The following GRID2 variants were observed in gnomAD, a reference collection of about 807,000 sequenced individuals.
The protein encoded by GRID2 is glutamate ionotropic receptor delta type subunit 2, also known as glutamate receptor ionotropic, delta-2.
GRID2 carries 33 observed loss-of-function variants against 114.8 expected under a neutral mutation model. That is an observed-to-expected ratio of 0.29 (90% CI 0.22 to 0.38). The LOEUF (loss-of-function observed/expected upper bound fraction) is 0.38, where lower values mean the gene tolerates loss of function less well. GRID2 is among the 10% of genes least tolerant of loss of function. The probability of loss-of-function intolerance (pLI) is 1.00; values close to 1 mark genes in which losing one functional copy is unlikely to be tolerated. For missense variants in GRID2, 1,184 were observed against 1,257.7 expected (o/e 0.94, Z 0.89); for synonymous variants, 505 against 449.9 (o/e 1.12, Z -1.55).
chr4:93,285,102 TA>T (rs1333222720), intron 8 of GRID2, among the ~76,000 whole-genome samples: 2 of 152,080 alleles, frequency 1.3e-5, no homozygotes, highest in East Asian at 1.9e-4. Context: ...GTGTTATAAT[TA>T]AAAGCAACCT....
At chr4:93,068,688 A>G (rs1196504265) in intron 2 of GRID2, among the ~76,000 whole-genome samples, 2 of 124,596 alleles carry the variant, frequency 1.6e-5, no homozygotes, top group East Asian at 4.4e-4. Flanking sequence ...AGCCTTTCCT[A>G]TTTACAAAAA....
At chr4:93,246,438 T>A (rs1748214963) in intron 8 of GRID2, among the ~76,000 whole-genome samples, 1 of 151,666 alleles carries the variant, frequency 6.6e-6, no homozygotes, top group Non-Finnish European at 1.5e-5. Context: ...ATACAAAAAA[T>A]TAGCTGGGTG....
chr4:92,554,197 G>T (rs1008891173), intron 1 of GRID2, among the ~76,000 whole-genome samples: 2 of 152,078 alleles, frequency 1.3e-5, no homozygotes, highest in African/African-American at 2.4e-5. Context: ...AAGATGTCAT[G>T]GTGTTAACAT....
intron 13 of GRID2, among the ~76,000 whole-genome samples, chr4:93,535,260 AC>A (rs1273234246): frequency 1.3e-5 from 2 of 151,356 alleles, no homozygotes; most frequent in East Asian, 3.9e-4. Flanking sequence ...ACACACACAC[AC>A]ACACACACAC....
chr4:93,808,485 T>A (rs1735074063), exon 2 of GRID2: 1 of 152,198 alleles, frequency 6.6e-6, no homozygotes, highest in African/African-American at 2.4e-5. Flanking sequence ...AATACTATAA[T>A]TCACCTGAAG....
chr4:92,578,086 CTT>C (rs1727987653), intron 1 of GRID2, among the ~76,000 whole-genome samples: 1 of 55,286 alleles, frequency 1.8e-5, no homozygotes, highest in African/African-American at 8.8e-5. Context: ...TCTTCTTCTT[CTT>C]CTTCTTCTTC....
At chr4:92,813,380 A>G (rs1295070294) in intron 2 of GRID2, among the ~76,000 whole-genome samples, 1 of 152,146 alleles carries the variant, frequency 6.6e-6, no homozygotes, top group Non-Finnish European at 1.5e-5. Context: ...AGCAAGCTAT[A>G]CAGGCGCTTA....
intron 2 of GRID2, among the ~76,000 whole-genome samples, chr4:92,971,357 G>A (rs1469403563): frequency 6.6e-6 from 1 of 151,934 alleles, no homozygotes; most frequent in East Asian, 1.9e-4. Context: ...ATCCTAGATA[G>A]TTACACAGAA....
intron 3 of GRID2, among the ~76,000 whole-genome samples, chr4:93,094,433 ATTTTG>A (rs1256008774): frequency 6.6e-6 from 1 of 152,026 alleles, no homozygotes; most frequent in African/African-American, 2.4e-5. Context: ...ATTTTGGTTA[ATTTTG>A]TTTTGTTTTG....
intron 2 of GRID2, among the ~76,000 whole-genome samples, chr4:92,927,673 A>T (rs1182475272): frequency 1.3e-5 from 2 of 151,782 alleles, no homozygotes; most frequent in African/African-American, 4.8e-5. Context: ...GAGATCCTTT[A>T]TCCAAAAGAC....
chr4:92,851,625 A>G (rs1474802851), intron 2 of GRID2, among the ~76,000 whole-genome samples: 1 of 151,998 alleles, frequency 6.6e-6, no homozygotes, highest in African/African-American at 2.4e-5. Flanking sequence ...ACATTAGTAT[A>G]TCTAAATTTC....
chr4:92,396,992 G>T (rs900117650), intron 1 of GRID2, among the ~76,000 whole-genome samples: 1 of 151,926 alleles, frequency 6.6e-6, no homozygotes, highest in East Asian at 1.9e-4. Flanking sequence ...TATTAGTCAT[G>T]AGAATGAATC....
chr4:92,677,314 A>G (rs1470395901), intron 2 of GRID2, among the ~76,000 whole-genome samples: 2 of 152,210 alleles, frequency 1.3e-5, no homozygotes, highest in Non-Finnish European at 2.9e-5. Flanking sequence ...ATTAAAAAAT[A>G]ATATAGTTCA....
At chr4:93,500,123 A>G (rs765572970) in intron 12 of GRID2, among the ~76,000 whole-genome samples, 9 of 152,060 alleles carry the variant, frequency 5.9e-5, no homozygotes, top group Non-Finnish European at 7.4e-5. Flanking sequence ...GTTATGTGGT[A>G]TGCAAGTCAG....
At chr4:92,547,711 C>T (rs1411596794) in intron 1 of GRID2, among the ~76,000 whole-genome samples, 1 of 151,738 alleles carries the variant, frequency 6.6e-6, no homozygotes, top group East Asian at 1.9e-4. Context: ...CAGCATACCT[C>T]ATGCACACAC....
chr4:93,664,711 C>A (rs1206311220), intron 14 of GRID2, among the ~76,000 whole-genome samples: 1 of 152,132 alleles, frequency 6.6e-6, no homozygotes, highest in African/African-American at 2.4e-5. Context: ...GTGGAGTATA[C>A]ATAATTTCAG....
At chr4:93,231,425 G>A (rs62310364) in intron 7 of GRID2, among the ~76,000 whole-genome samples, 9,918 of 149,088 alleles carry the variant, frequency 0.067, 411 homozygotes, top group East Asian at 0.19. Context: ...GAGGCCAGTA[G>A]TGAATATTGA....
intron 8 of GRID2, among the ~76,000 whole-genome samples, chr4:93,278,919 C>T (rs770449615): frequency 5.9e-5 from 9 of 151,590 alleles, no homozygotes; most frequent in Non-Finnish European, 1.2e-4. Context: ...AAACCTCTAA[C>T]GTTATAAACC....
At chr4:92,543,514 C>G (rs1027681513) in intron 1 of GRID2, among the ~76,000 whole-genome samples, 9 of 152,126 alleles carry the variant, frequency 5.9e-5, no homozygotes, top group African/African-American at 2.2e-4. Context: ...TTCCAATCAT[C>G]AGGCATTTAT....
Sources: gnomAD v4.1 joint callset for allele counts (sites outside exome capture counted in the v4.1 genomes callset) on GRCh38, gnomAD v4.1.1 for gene constraint, MANE v1.5 for transcripts, NCBI Gene and HGNC (gene_info 2026-07-23, HGNC 2026-07-21) for gene names.